The following LCLAT1 variants were observed in gnomAD, a reference collection of about 807,000 sequenced individuals.
LCLAT1 encodes the protein 1-AGP acyltransferase 8.
Under a neutral mutation model 30.7 loss-of-function variants are expected in LCLAT1, and 11 were observed. The ratio of observed to expected loss-of-function variants is 0.36; its 90% CI spans 0.23 to 0.59. The LOEUF is 0.59. LCLAT1 is among the 20% of genes least tolerant of loss of function. LCLAT1 has a pLI of 0.77. For synonymous variants in LCLAT1, 155 were observed against 151.3 expected (o/e 1.02, Z -0.18); for missense variants, 402 against 458.6 (o/e 0.88, Z 1.13).
intron 5 of LCLAT1, among the ~76,000 whole-genome samples, chr2:30,581,446 C>T (rs554926287): frequency 1.3e-5 from 2 of 152,116 alleles, no homozygotes; most frequent in Non-Finnish European, 2.9e-5. Flanking sequence ...TGAAGAGACA[C>T]CTGCACTTCC....
At chr2:30,590,781 A>C (rs142022545) in intron 5 of LCLAT1, among the ~76,000 whole-genome samples, 30 of 152,170 alleles carry the variant, frequency 2.0e-4, no homozygotes, top group African/African-American at 6.7e-4. Context: ...GAAAAGGGCT[A>C]GGTTACTTTA....
chr2:30,576,837 T>C (rs974866566), intron 5 of LCLAT1, among the ~76,000 whole-genome samples: 16 of 152,014 alleles, frequency 1.1e-4, no homozygotes, highest in African/African-American at 3.1e-4. Context: ...TTTCTAATTA[T>C]TAGAACCTTT....
intron 5 of LCLAT1, among the ~76,000 whole-genome samples, chr2:30,602,873 C>A (rs541144200): frequency 3.3e-5 from 5 of 152,168 alleles, no homozygotes; most frequent in Admixed American, 1.3e-4. Context: ...TACATTTAGA[C>A]AAAGATAAGA....
At chr2:30,599,802 AT>A (rs1667096056) in intron 5 of LCLAT1, among the ~76,000 whole-genome samples, 1 of 151,454 alleles carries the variant, frequency 6.6e-6, no homozygotes, top group South Asian at 2.1e-4. Flanking sequence ...TGCTTGGTAA[AT>A]TTTCCTCCAT....
chr2:30,585,267 G>GT (rs1472866811), intron 5 of LCLAT1, among the ~76,000 whole-genome samples: 1 of 149,628 alleles, frequency 6.7e-6, no homozygotes, highest in Non-Finnish European at 1.5e-5. Flanking sequence ...TCCATCCTCG[G>GT]TAAAAAAAAA....
intron 1 of LCLAT1, among the ~76,000 whole-genome samples, chr2:30,468,225 T>A (rs971154467): frequency 2.6e-5 from 4 of 152,222 alleles, no homozygotes; most frequent in Admixed American, 6.5e-5. Context: ...TTTCTTGTTT[T>A]TGTTAGGTTT....
intron 5 of LCLAT1, among the ~76,000 whole-genome samples, chr2:30,579,000 TATTC>T (rs1281698670): frequency 2.6e-5 from 4 of 152,206 alleles, no homozygotes; most frequent in Non-Finnish European, 5.9e-5. Context: ...TTGGTTCCAT[TATTC>T]ATTCATTCAT....
intron 1 of LCLAT1, among the ~76,000 whole-genome samples, chr2:30,454,047 T>A (rs1022313567): frequency 6.6e-6 from 1 of 152,234 alleles, no homozygotes; most frequent in Non-Finnish European, 1.5e-5. Context: ...GTACTGTAAA[T>A]TTAAAATATA....
intron 1 of LCLAT1, among the ~76,000 whole-genome samples, chr2:30,452,195 T>C (rs925884588): frequency 2.6e-5 from 4 of 151,800 alleles, no homozygotes; most frequent in African/African-American, 9.7e-5. Flanking sequence ...TGTAAAAATA[T>C]GAGGATTGTG....
chr2:30,591,598 T>A (rs1666694985), intron 5 of LCLAT1, among the ~76,000 whole-genome samples: 1 of 152,216 alleles, frequency 6.6e-6, no homozygotes, highest in African/African-American at 2.4e-5. Flanking sequence ...GTGTGTTATA[T>A]TACTGATAGA....
chr2:30,546,602 A>G (rs1286185947), intron 3 of LCLAT1, among the ~76,000 whole-genome samples: 1 of 152,204 alleles, frequency 6.6e-6, no homozygotes, highest in African/African-American at 2.4e-5. Flanking sequence ...GTGTAAATAA[A>G]TGTGCCATTG....
At chr2:30,618,672 A>G (rs922864528) in intron 5 of LCLAT1, among the ~76,000 whole-genome samples, 13 of 152,162 alleles carry the variant, frequency 8.5e-5, no homozygotes, top group Admixed American at 2.6e-4. Context: ...ATGTTTACCT[A>G]TGTAACAAAC....
At chr2:30,477,962 T>A (rs928090928) in intron 1 of LCLAT1, among the ~76,000 whole-genome samples, 9 of 151,360 alleles carry the variant, frequency 5.9e-5, no homozygotes, top group Non-Finnish European at 1.2e-4. Flanking sequence ...TTTCTAGCAG[T>A]GAAAAATCTC....
intron 1 of LCLAT1, among the ~76,000 whole-genome samples, chr2:30,492,271 A>G (rs1486256108): frequency 1.3e-5 from 2 of 152,198 alleles, no homozygotes; most frequent in Non-Finnish European, 2.9e-5. Context: ...CTAGGGAAGG[A>G]AGGAGACTTT....
chr2:30,592,850 CTG>C (rs61242326), intron 5 of LCLAT1, among the ~76,000 whole-genome samples: 21,858 of 152,188 alleles, frequency 0.14, 2,163 homozygotes, highest in Non-Finnish European at 0.22. Context: ...ATTTTGATAA[CTG>C]TATACAATGT....
At chr2:30,610,968 C>CCAAACACTGAGTTTA (rs1667707124) in intron 5 of LCLAT1, among the ~76,000 whole-genome samples, 1 of 151,718 alleles carries the variant, frequency 6.6e-6, no homozygotes, top group Non-Finnish European at 1.5e-5. Context: ...GTAATAGATA[C>CCAAACACTGAGTTTA]CAAACACTGA....
At chr2:30,519,092 A>G (rs563541394) in intron 1 of LCLAT1, among the ~76,000 whole-genome samples, 3 of 152,326 alleles carry the variant, frequency 2.0e-5, no homozygotes, top group African/African-American at 4.8e-5. Context: ...AAAATTATCC[A>G]AAGGCACCTG....
At chr2:30,503,864 A>G (rs1274888287) in intron 1 of LCLAT1, among the ~76,000 whole-genome samples, 1 of 152,190 alleles carries the variant, frequency 6.6e-6, no homozygotes, top group African/African-American at 2.4e-5. Flanking sequence ...TTGACTGAGC[A>G]CTGTTCTCCC....
intron 3 of LCLAT1, among the ~76,000 whole-genome samples, chr2:30,533,662 G>C (rs829626): frequency 0.58 from 88,003 of 152,034 alleles, 26,670 homozygotes; most frequent in Non-Finnish European, 0.67. Flanking sequence ...TAAAGTACTT[G>C]ACATTGACTG....
Sources: gnomAD v4.1 joint callset for allele counts (sites outside exome capture counted in the v4.1 genomes callset) on GRCh38, gnomAD v4.1.1 for gene constraint, MANE v1.5 for transcripts, NCBI Gene and HGNC (gene_info 2026-07-23, HGNC 2026-07-21) for gene names.